The following CFAP20DC variants were observed in gnomAD, a reference collection of about 807,000 sequenced individuals.
The protein encoded by CFAP20DC is protein CFAP20DC.
In CFAP20DC, 84 loss-of-function variants were observed where a neutral mutation model predicts 101.7. The observed-to-expected ratio is 0.83, with a 90% CI of 0.69 to 0.99. The LOEUF (loss-of-function observed/expected upper bound fraction) is 0.99. Among genes scored for constraint, CFAP20DC ranks in the 50% least tolerant of loss-of-function variants. CFAP20DC has a pLI of 0.00. For synonymous variants in CFAP20DC, 359 were observed against 351.2 expected (o/e 1.02, Z -0.25); for missense variants, 1,007 against 970.3 (o/e 1.04, Z -0.50).
intron 5 of CFAP20DC, among the ~76,000 whole-genome samples, chr3:58,930,923 A>C (rs1278580492): frequency 6.6e-6 from 1 of 152,112 alleles, no homozygotes; most frequent in Non-Finnish European, 1.5e-5. Context: ...TGGGCGCAGG[A>C]CAGTGGGTGC....
chr3:58,862,518 A>G lies in CFAP20DC; in HGVS notation c.1593+1040T>C. 3.0e-6 allele frequency: 3 copies of G among 985,436 alleles called. No individual in the cohort carries two copies. In the African/African-American group the frequency reaches 5.2e-5, roughly 17 times the overall value. The allele number at this position is 985,436 out of a possible 1,614,324, so 61.0% of individuals were successfully genotyped here. A position where few individuals can be genotyped will look rare whatever the true frequency, so the allele number is the denominator to read the frequency against. ...GAAGCAAGAATATTGTGAAAAGACGATCCTCTACGCGCTTTGCTGAAGAAA... is the reference window on the plus strand; with the variant it reads ...GAAGCAAGAATATTGTGAAAAGACGGTCCTCTACGCGCTTTGCTGAAGAAA... On this transcript the variant is annotated intron_variant, in intron 12 of 16. Coordinates refer to ENST00000482387, the MANE Select transcript of CFAP20DC (RefSeq NM_001394063.1).
intron 3 of CFAP20DC, among the ~76,000 whole-genome samples, chr3:58,718,195 C>T (rs2067422917): frequency 6.6e-6 from 1 of 152,222 alleles, no homozygotes; most frequent in African/African-American, 2.4e-5. Context: ...AAATCACTCA[C>T]ACTGCACCCA....
At chr3:59,023,767 G>C (rs931817692) in intron 4 of CFAP20DC, among the ~76,000 whole-genome samples, 3 of 152,054 alleles carry the variant, frequency 2.0e-5, no homozygotes, top group African/African-American at 4.8e-5. Context: ...ACAAATGTTA[G>C]AGTACCTCGA....
At chr3:59,025,894 T>C (rs2093883821) in intron 4 of CFAP20DC, among the ~76,000 whole-genome samples, 1 of 152,076 alleles carries the variant, frequency 6.6e-6, no homozygotes, top group Non-Finnish European at 1.5e-5. Context: ...AAGAATATTG[T>C]AAAAATAATT....
chr3:58,950,372 G>C (rs1354405753), intron 4 of CFAP20DC, among the ~76,000 whole-genome samples: 1 of 152,198 alleles, frequency 6.6e-6, no homozygotes, highest in African/African-American at 2.4e-5. Flanking sequence ...ACCCCATCAA[G>C]CTACCAATGA....
At position 58,842,516 on chromosome 3, in the gene CFAP20DC, G is replaced by A. The variant is rs961501536; in HGVS notation, c.1971+6516C>T. 2.0e-5 allele frequency among the ~76,000 whole-genome samples: 3 copies of A among 152,112 alleles called. No homozygotes were observed. In the South Asian group the frequency reaches 6.3e-4, roughly 32 times the overall value. On this transcript the variant is annotated intron_variant, in intron 13 of 16. Transcript: ENST00000482387. ...CCACACCTGGCTCGGAGGGTCCTACGCCCACGGAATCTCGCTGATTGCTAG... is the reference window on the plus strand; with the variant it reads ...CCACACCTGGCTCGGAGGGTCCTACACCCACGGAATCTCGCTGATTGCTAG...
At chr3:58,875,212 C>G (rs1397608210) in intron 7 of CFAP20DC, among the ~76,000 whole-genome samples, 3 of 152,098 alleles carry the variant, frequency 2.0e-5, no homozygotes, top group Admixed American at 1.3e-4. Flanking sequence ...CCTAGTGTCA[C>G]CAAATAGACT....
chr3:58,823,659 A>C (rs2075845048), intron 14 of CFAP20DC, among the ~76,000 whole-genome samples: 1 of 152,090 alleles, frequency 6.6e-6, no homozygotes, highest in Non-Finnish European at 1.5e-5. Context: ...TCCACAGCTT[A>C]CCCTCTCAAC....
intron 15 of CFAP20DC, among the ~76,000 whole-genome samples, chr3:58,760,022 C>T (rs944674156): frequency 1.3e-5 from 2 of 152,184 alleles, no homozygotes; most frequent in African/African-American, 4.8e-5. Flanking sequence ...ATGCGGGCTC[C>T]TTTTTGGTTT....
chr3:58,729,181 C>T lies in CFAP20DC; in HGVS notation c.198-11553G>A, dbSNP rs2067599254. On this transcript the variant is annotated intron_variant, in intron 3 of 3. Transcript: ENST00000486145. The surrounding 1 kb of genome is among the most constrained non-coding windows in gnomAD (Gnocchi z 4.4). ...CTCCTGAATTTCTGACCTGTTTATT[C>T]TTATTTTAAGCAACTAAGTTTTAGG... Among the ~76,000 whole-genome samples the T allele has an allele frequency of 6.6e-6, 1 of 152,180 alleles. No individual in the cohort carries two copies. Among genetic ancestry groups the T allele is most frequent in the Admixed American group, 6.5e-5 (1 of 15,282 alleles).
intron 13 of CFAP20DC, among the ~76,000 whole-genome samples, chr3:58,842,338 C>A (rs1000578262): frequency 6.6e-6 from 1 of 152,196 alleles, no homozygotes; most frequent in African/African-American, 2.4e-5. Flanking sequence ...CAGGGCGAGG[C>A]ATTGCCTCAC....
At position 58,868,335 on chromosome 3, in the gene CFAP20DC, A is replaced by G. The variant is rs924479554; in HGVS notation, c.1016-399T>C. 6.6e-6 allele frequency among the ~76,000 whole-genome samples: 1 copy of G among 152,178 alleles called. No homozygotes were observed. Among genetic ancestry groups the G allele is most frequent in the African/African-American group, 2.4e-5 (1 of 41,456 alleles). On this transcript the variant is annotated intron_variant, in intron 9 of 16. Transcript: ENST00000482387. The surrounding 1 kb of genome is among the most constrained non-coding windows in gnomAD (Gnocchi z 4.6). ...ACAAGAGCATAGAGAGCAGCTTCCA[A>G]AAGAGCCCTGGAGAACTGAGGTCAA...
At chr3:58,936,517 A>G (rs537277417) in intron 5 of CFAP20DC, among the ~76,000 whole-genome samples, 3 of 152,346 alleles carry the variant, frequency 2.0e-5, no homozygotes, top group South Asian at 2.1e-4. Context: ...AAGACTTGGA[A>G]CCAAGCCAAA....
intron 14 of CFAP20DC, among the ~76,000 whole-genome samples, chr3:58,806,794 C>G (rs1213576114): frequency 6.6e-6 from 1 of 152,216 alleles, no homozygotes; most frequent in Non-Finnish European, 1.5e-5. Flanking sequence ...CGCAAGGGAT[C>G]AGGGAGTTCC....
intron 4 of CFAP20DC, among the ~76,000 whole-genome samples, chr3:58,955,754 A>T (rs1356104389): frequency 6.6e-6 from 1 of 151,824 alleles, no homozygotes. Flanking sequence ...GCATGCTGGT[A>T]TCACTCCTCT....
Position 59,047,221 on chromosome 3 carries a change from CT to C in CFAP20DC, c.54del (p.Gly19GlufsTer16), listed in dbSNP as rs1699935304. The C allele has an allele frequency of 2.0e-6, 3 of 1,535,258 alleles. No individual in the cohort carries two copies. Among genetic ancestry groups the C allele is most frequent in the Non-Finnish European group, 2.6e-6 (3 of 1,146,344 alleles). On this transcript the variant is annotated frameshift_variant, in exon 2 of 17. Transcript: ENST00000482387. LOFTEE classifies it high-confidence loss of function. ...GGAFVEIFSA[Q>X]GKNPGAKWKI... is the part of the protein sequence containing the mutation. Reference sequence around the variant, plus strand: ...TTCCATTTTGCTCCAGGATTTTTTCCTTGAGCACTGAAAATTTCAACAAATG... The same window carrying C: ...TTCCATTTTGCTCCAGGATTTTTTCCTGAGCACTGAAAATTTCAACAAATG...
At chr3:58,949,528 C>A (rs899113264) in intron 4 of CFAP20DC, among the ~76,000 whole-genome samples, 1 of 152,070 alleles carries the variant, frequency 6.6e-6, no homozygotes, top group Non-Finnish European at 1.5e-5. Context: ...TTTCTGCCTT[C>A]ATTTCGTTAT....
chr3:59,008,434 C>T (rs2093492031), intron 4 of CFAP20DC, among the ~76,000 whole-genome samples: 1 of 152,190 alleles, frequency 6.6e-6, no homozygotes, highest in Admixed American at 6.5e-5. Flanking sequence ...CAACTGGTGC[C>T]TACCCAGGAA....
At chr3:58,781,324 C>CAAA (rs2071805438) in intron 15 of CFAP20DC, among the ~76,000 whole-genome samples, 1 of 151,386 alleles carries the variant, frequency 6.6e-6, no homozygotes, top group Non-Finnish European at 1.5e-5. Context: ...ACATCTACAT[C>CAAA]AAAAAAGTAG....
Sources: allele counts gnomAD v4.1 joint callset (sites outside exome capture counted in the v4.1 genomes callset), GRCh38; gene constraint gnomAD v4.1.1; non-coding constraint Gnocchi (gnomAD v3.1); transcripts MANE v1.5; gene names NCBI Gene and HGNC (gene_info 2026-07-23, HGNC 2026-07-21).